The following GABRA4 variants were observed in gnomAD, a reference collection of about 807,000 sequenced individuals.
GABRA4 encodes gamma-aminobutyric acid type A receptor subunit alpha4, also known as gamma-aminobutyric acid receptor subunit alpha-4.
A neutral mutation model predicts 49.7 loss-of-function variants in GABRA4; 12 were observed. The observed-to-expected ratio is 0.24, with a 90% CI of 0.15 to 0.39. The LOEUF is 0.39. GABRA4 is among the 10% of genes least tolerant of loss of function. The pLI is 1.00. For synonymous variants in GABRA4, 288 were observed against 240.2 expected (o/e 1.20, Z -1.84); for missense variants, 506 against 686.0 (o/e 0.74, Z 2.93).
At chr4:46,980,735 G>T (rs1202752079) in intron 2 of GABRA4, among the ~76,000 whole-genome samples, 1 of 152,072 alleles carries the variant, frequency 6.6e-6, no homozygotes, top group Admixed American at 6.6e-5. Flanking sequence ...ATGTCAAATT[G>T]TTCCAGGAAT....
At chr4:46,970,515 A>G (rs989256674) in intron 7 of GABRA4, among the ~76,000 whole-genome samples, 1 of 151,658 alleles carries the variant, frequency 6.6e-6, no homozygotes, top group Admixed American at 6.6e-5. Context: ...AATACTATAC[A>G]GTATATATGA....
At chr4:46,982,418 T>G (rs959371327) in intron 2 of GABRA4, among the ~76,000 whole-genome samples, 3 of 151,880 alleles carry the variant, frequency 2.0e-5, no homozygotes, top group Admixed American at 1.3e-4. Context: ...AATGTGAACA[T>G]GGAGAGAAGA....
rs1279927386 is a variant in GABRA4, at chr4:46,925,720, T to A, written c.*2505A>T. On this transcript the variant is annotated 3_prime_UTR_variant, in exon 9 of 9. Transcript: ENST00000264318. ...GTTAAGGAAAGCAAACAACATATTA[T>A]TATTATTATTATTATTATTATTATT... The A allele has an allele frequency of 3.0e-5, 2 of 67,264 alleles. No individual in the cohort carries two copies. Among genetic ancestry groups the A allele is most frequent in the Non-Finnish European group, 3.5e-5 (1 of 28,222 alleles). The allele number at this position is 67,264 out of a possible 1,614,324, so 4.2% of individuals were successfully genotyped here.
intron 6 of GABRA4, 31 bp from the exon 7 acceptor site, chr4:46,971,266 T>C (rs1560478075): frequency 6.2e-7 from 1 of 1,604,516 alleles, no homozygotes; most frequent in Non-Finnish European, 8.5e-7. Flanking sequence ...AAATGTGTTA[T>C]CGGTTCTGCA....
Position 46,938,930 on chromosome 4 carries a change from C to T in GABRA4, c.1135-10175G>A, listed in dbSNP as rs1036233622. Among the ~76,000 whole-genome samples, 8 of 151,486 alleles carry T rather than the reference C, an allele frequency of 5.3e-5. 2 individuals carry two copies. Among genetic ancestry groups the T allele is most frequent in the Admixed American group, 1.3e-4 (2 of 15,210 alleles). ...TCCTTGCAATTTCTCTCAAGAATCA[C>T]AAAAAAATAAACACAAAATGGTATA... On this transcript the variant is annotated intron_variant, in intron 8 of 8. Transcript: ENST00000264318.
At position 46,937,269 on chromosome 4, in the gene GABRA4, C is replaced by T. The variant is rs999669373; in HGVS notation, c.1135-8514G>A. 3.3e-5 allele frequency among the ~76,000 whole-genome samples: 5 copies of T among 152,296 alleles called. 2 individuals carry two copies. On this transcript the variant is annotated intron_variant, in intron 8 of 8. Coordinates refer to ENST00000264318, the MANE Select transcript of GABRA4 (RefSeq NM_000809.4). ...ACAAGAAACCAAACCCTGTTGGAAC[C>T]TTTATCTTAGACTTTCTAGCCTCCA...
rs567439270 is a variant in GABRA4 at position 46,955,002 on chromosome 4, T to C, written c.1134+9968A>G. Among the ~76,000 whole-genome samples, 3 of 152,236 alleles carry C rather than the reference T, an allele frequency of 2.0e-5. No homozygotes were observed. In the South Asian group the frequency reaches 6.2e-4, roughly 32 times the overall value. On this transcript the variant is annotated intron_variant, in intron 8 of 8. Coordinates refer to ENST00000264318, the MANE Select transcript of GABRA4 (RefSeq NM_000809.4). ...TTATAAAGATTAGAGATAATTCATGTAAAGCAACTAGCACAGTATGTAGCA... is the reference window on the plus strand; with the variant it reads ...TTATAAAGATTAGAGATAATTCATGCAAAGCAACTAGCACAGTATGTAGCA...
At chr4:46,968,001 T>A (rs1722825421) in intron 7 of GABRA4, among the ~76,000 whole-genome samples, 1 of 151,632 alleles carries the variant, frequency 6.6e-6, no homozygotes, top group South Asian at 2.1e-4. Context: ...TTGGAGAGAT[T>A]TTTAGGACAC....
intron 8 of GABRA4, among the ~76,000 whole-genome samples, chr4:46,955,094 T>A (rs1172248633): frequency 6.6e-6 from 1 of 152,138 alleles, no homozygotes; most frequent in Non-Finnish European, 1.5e-5. Context: ...CTATGCTAAA[T>A]ACATTTCACA....
At chr4:46,944,586 T>G (rs1721919098) in intron 8 of GABRA4, among the ~76,000 whole-genome samples, 1 of 152,146 alleles carries the variant, frequency 6.6e-6, no homozygotes, top group South Asian at 2.1e-4. Context: ...TTAGTTTAGT[T>G]CTAGAAATGT....
chr4:46,921,775 A>G lies in GABRA4; in HGVS notation c.*6450T>C, dbSNP rs1435866602. 1.3e-5 allele frequency: 2 copies of G among 152,126 alleles called. No homozygotes were observed. Among genetic ancestry groups the G allele is most frequent in the Non-Finnish European group, 2.9e-5 (2 of 67,998 alleles). The allele number at this position is 152,126 out of a possible 1,614,324, so 9.4% of individuals were successfully genotyped here. A position where few individuals can be genotyped will look rare whatever the true frequency, so the allele number is the denominator to read the frequency against. On this transcript the variant is annotated 3_prime_UTR_variant, in exon 9 of 9. Coordinates refer to ENST00000264318, the MANE Select transcript of GABRA4 (RefSeq NM_000809.4). Reference sequence around the variant, plus strand: ...CCCACCTAAGACAGTCTCCAAAAATAACATAATGAAAAATTGAGAAAAAAA... The same window carrying G: ...CCCACCTAAGACAGTCTCCAAAAATGACATAATGAAAAATTGAGAAAAAAA...
At chr4:46,949,096 A>G (rs914898853) in intron 8 of GABRA4, among the ~76,000 whole-genome samples, 2 of 152,064 alleles carry the variant, frequency 1.3e-5, no homozygotes, top group African/African-American at 2.4e-5. Flanking sequence ...TTACCCCTCA[A>G]TTTTATGTTC....
chr4:46,978,200 A>G (rs755993038), intron 3 of GABRA4, among the ~76,000 whole-genome samples: 2 of 152,062 alleles, frequency 1.3e-5, no homozygotes, highest in African/African-American at 2.4e-5. Context: ...GTATGGATGA[A>G]TTCTTCCTGA....
chr4:46,928,372 C>T lies in GABRA4; in HGVS notation c.1518G>A (p.Ser506=), dbSNP rs771456386. Residue 506 remains serine, a synonymous_variant, in exon 9 of 9, where the codon TCG becomes TCA. Transcript: ENST00000264318. ...TGCCAGATCCAGAAGGTGGTGGAGCCGATGGAGGAGGAGTAGCTGACAACT... is the reference window on the plus strand; with the variant it reads ...TGCCAGATCCAGAAGGTGGTGGAGCTGATGGAGGAGGAGTAGCTGACAACT... ...TGKLSATPPP[S]APPPSGSGTS... 5.6e-6 allele frequency: 9 copies of T among 1,613,444 alleles called. No individual in the cohort carries two copies. The highest frequency in any genetic ancestry group is 2.2e-5 in the East Asian group (1 of 44,876).
chr4:46,937,059 C>A (rs906173432), intron 8 of GABRA4, among the ~76,000 whole-genome samples: 2 of 152,294 alleles, frequency 1.3e-5, no homozygotes, highest in African/African-American at 4.8e-5. Flanking sequence ...GAGACAAGAC[C>A]TTTAAGGAGG....
intron 2 of GABRA4, among the ~76,000 whole-genome samples, chr4:46,980,910 G>A (rs1723334474): frequency 6.6e-6 from 1 of 152,038 alleles, no homozygotes; most frequent in Non-Finnish European, 1.5e-5. Flanking sequence ...CAGGGCAAGT[G>A]GTGATAAGTT....
At chr4:46,990,439 C>A (rs886694153) in intron 2 of GABRA4, among the ~76,000 whole-genome samples, 1 of 152,114 alleles carries the variant, frequency 6.6e-6, no homozygotes, top group African/African-American at 2.4e-5. Flanking sequence ...ATCCCTTCTT[C>A]CTTTTGAATT....
At chr4:46,987,141 C>A (rs1723571121) in intron 2 of GABRA4, among the ~76,000 whole-genome samples, 1 of 152,142 alleles carries the variant, frequency 6.6e-6, no homozygotes, top group South Asian at 2.1e-4. Flanking sequence ...AATCAGCCTG[C>A]AAAGCTGTAC....
chr4:46,928,203 G>T lies in GABRA4; in HGVS notation c.*22C>A. ...CATTCTGCATTTTCATCATCTTTTAGCAAACTACTATAGCAACGAAATTAC... is the reference window on the plus strand; with the variant it reads ...CATTCTGCATTTTCATCATCTTTTATCAAACTACTATAGCAACGAAATTAC... On this transcript the variant is annotated 3_prime_UTR_variant, in exon 9 of 9. Coordinates refer to ENST00000264318, the MANE Select transcript of GABRA4 (RefSeq NM_000809.4). 6.5e-7 allele frequency: 1 copy of T among 1,537,466 alleles called. No individual in the cohort carries two copies. The highest frequency in any genetic ancestry group is 8.8e-7 in the Non-Finnish European group (1 of 1,139,574).
Sources: allele counts gnomAD v4.1 joint callset (sites outside exome capture counted in the v4.1 genomes callset), GRCh38; gene constraint gnomAD v4.1.1; transcripts MANE v1.5; gene names NCBI Gene and HGNC (gene_info 2026-07-23, HGNC 2026-07-21).